Variants in NCOA3 observed in about 807,000 individuals in gnomAD.
NCOA3 encodes CBP-interacting protein.
Under a neutral mutation model 158.8 loss-of-function variants are expected in NCOA3, and 51 were observed. The ratio of observed to expected loss-of-function variants is 0.32; its 90% CI spans 0.26 to 0.41. The LOEUF is 0.41. Ranked by LOEUF, NCOA3 falls within the 10% of genes least tolerant of loss-of-function variation. NCOA3 has a pLI of 1.00. For missense variants in NCOA3, 1,510 were observed against 1,746.6 expected (o/e 0.86, Z 2.41); for synonymous variants, 537 against 592.4 (o/e 0.91, Z 1.36).
rs1166777115 is a variant in NCOA3 at position 47,505,003 on chromosome 20, G to GTTTTTTTTTTTTTTTTTTTT, written c.-99+2991_-99+3010dup. On this transcript the variant is annotated intron_variant, in intron 1 of 22. Coordinates refer to ENST00000371998, the MANE Select transcript of NCOA3 (RefSeq NM_181659.3). ...TAAAATAAATGGCTTTGGGTTTTTGGTTTTTTTTTTTTTTTTTTTTTTTTT... is the reference window on the plus strand; with the variant it reads ...TAAAATAAATGGCTTTGGGTTTTTGGTTTTTTTTTTTTTTTTTTTTTTTTTTTTTTTTTTTTTTTTTTTTT... 2.5e-4 allele frequency among the ~76,000 whole-genome samples: 7 copies of GTTTTTTTTTTTTTTTTTTTT among 28,542 alleles called. 3 individuals are homozygous for GTTTTTTTTTTTTTTTTTTTT. In the East Asian group the frequency reaches 6.8e-3, roughly 28 times the overall value. The allele number at this position is 28,542 out of a possible 152,430, so 18.7% of individuals were successfully genotyped here.
chr20:47,652,832 GTA>G, intron 21 of NCOA3, 97 bp from the exon 22 acceptor site: 1 of 1,364,626 alleles, frequency 7.3e-7, no homozygotes, highest in Non-Finnish European at 1.0e-6. Flanking sequence ...CCCAGCTTAA[GTA>G]TAGCAATGTT....
chr20:47,547,573 C>T (rs1021653534), intron 1 of NCOA3, among the ~76,000 whole-genome samples: 8 of 151,796 alleles, frequency 5.3e-5, no homozygotes, highest in Admixed American at 1.3e-4. Context: ...TCACCATGCC[C>T]GACTAATTTT....
At chr20:47,561,222 G>T (rs2085099547) in intron 1 of NCOA3, among the ~76,000 whole-genome samples, 1 of 150,014 alleles carries the variant, frequency 6.7e-6, no homozygotes, top group Non-Finnish European at 1.5e-5. Flanking sequence ...GGATCTGCTT[G>T]CTTCAGCCTC....
chr20:47,518,289 T>C (rs917349846), intron 1 of NCOA3, among the ~76,000 whole-genome samples: 3 of 151,502 alleles, frequency 2.0e-5, no homozygotes, highest in East Asian at 3.9e-4. Flanking sequence ...CAGGCTGCAA[T>C]GAGCCATGAT....
chr20:47,641,545 G>T lies in NCOA3; in HGVS notation c.3081-668G>T, dbSNP rs1019163592. Among the ~76,000 whole-genome samples the T allele has an allele frequency of 1.2e-4, 14 of 115,498 alleles. No individual in the cohort carries two copies. The South Asian group carries it at 3.5e-3, about 29-fold the overall frequency. The allele number at this position is 115,498 out of a possible 152,430, so 75.8% of individuals were successfully genotyped here. A position where few individuals can be genotyped will look rare whatever the true frequency, so the allele number is the denominator to read the frequency against. ...AGACAAAGTCTTGCTCTCTCTCCCA[G>T]CCTGGAGTGCAGTGGCGCAATCTCG... On this transcript the variant is annotated intron_variant, in intron 16 of 22. Coordinates refer to ENST00000371998, the MANE Select transcript of NCOA3 (RefSeq NM_181659.3).
chr20:47,525,821 T>A (rs2084431150), intron 1 of NCOA3, among the ~76,000 whole-genome samples: 2 of 80,522 alleles, frequency 2.5e-5, no homozygotes, highest in African/African-American at 5.1e-5. Context: ...GGCTCCTCAC[T>A]TCCCAGTAGG....
chr20:47,525,667 C>G (rs1310353692), intron 1 of NCOA3, among the ~76,000 whole-genome samples: 9 of 128,266 alleles, frequency 7.0e-5, no homozygotes, highest in Non-Finnish European at 1.3e-4. Context: ...GGGGGGCTGA[C>G]CCCCCCCACC....
chr20:47,647,054 T>G lies in NCOA3; in HGVS notation c.3253-19T>G, dbSNP rs775394076. ...TTTCATAGATGTTCTTCACTGTTCT[T>G]TTATGTGTTGTGTTTAAGGGACAGG... is the stretch of plus-strand genomic sequence containing the variant. On this transcript the variant is annotated intron_variant, in intron 17 of 22. Coordinates refer to ENST00000371998, the MANE Select transcript of NCOA3 (RefSeq NM_181659.3). 2 of 1,601,100 alleles carry G rather than the reference T, an allele frequency of 1.2e-6. No individual in the cohort carries two copies. The highest frequency in any genetic ancestry group is 1.7e-6 in the Non-Finnish European group (2 of 1,172,384).
chr20:47,619,905 C>G (rs2086207224), intron 2 of NCOA3, among the ~76,000 whole-genome samples: 1 of 151,860 alleles, frequency 6.6e-6, no homozygotes, highest in South Asian at 2.1e-4. Flanking sequence ...ATGCGATTCT[C>G]CTGCCTCAGC....
At chr20:47,634,282 A>C in intron 10 of NCOA3, 87 bp downstream of exon 10, 1 of 1,313,192 alleles carries the variant, frequency 7.6e-7, no homozygotes, top group Non-Finnish European at 1.0e-6. Context: ...GGAAGGGATA[A>C]AATGAGACAA....
intron 1 of NCOA3, among the ~76,000 whole-genome samples, chr20:47,525,607 G>T (rs1271818471): frequency 1.9e-5 from 2 of 106,926 alleles, no homozygotes; most frequent in African/African-American, 9.2e-5. Context: ...CTGGCCGGGC[G>T]GGGGGCTGAC....
intron 2 of NCOA3, among the ~76,000 whole-genome samples, chr20:47,607,129 G>A (rs1267613781): frequency 6.6e-6 from 1 of 152,172 alleles, no homozygotes; most frequent in Non-Finnish European, 1.5e-5. Context: ...GCATTTTAAT[G>A]AGACAGCATG....
rs72645258 is a variant in NCOA3 at position 47,631,734 on chromosome 20, A to G, written c.824-1762A>G. ...TTCTCTTGCTTATAGTTGTAGGGAC[A>G]GAATCTCTTCGGACAAACAACTTTC... On this transcript the variant is annotated intron_variant, in intron 8 of 22. Transcript: ENST00000371998. Among the ~76,000 whole-genome samples, 672 of 152,358 alleles carry G rather than the reference A, an allele frequency of 4.4e-3. 6 individuals carry two copies. Among genetic ancestry groups the G allele is most frequent in the African/African-American group, 0.015 (639 of 41,588 alleles).
intron 1 of NCOA3, among the ~76,000 whole-genome samples, chr20:47,511,469 C>T (rs1302873366): frequency 3.4e-5 from 4 of 117,990 alleles, no homozygotes; most frequent in Non-Finnish European, 6.8e-5. Flanking sequence ...GGCTGGAGTG[C>T]AGTGGCGTGT....
chr20:47,542,051 G>A (rs1266286051), intron 1 of NCOA3, among the ~76,000 whole-genome samples: 2 of 75,764 alleles, frequency 2.6e-5, no homozygotes, highest in African/African-American at 5.0e-5. Flanking sequence ...TTGTTGGAGG[G>A]ACAGAGACTT....
intron 2 of NCOA3, among the ~76,000 whole-genome samples, chr20:47,607,724 A>G (rs1362462740): frequency 6.6e-6 from 1 of 152,166 alleles, no homozygotes; most frequent in African/African-American, 2.4e-5. Flanking sequence ...CACCTTTAAG[A>G]AATTACCAGT....
At chr20:47,513,159 ACT>A (rs1329228638) in intron 1 of NCOA3, among the ~76,000 whole-genome samples, 7 of 151,996 alleles carry the variant, frequency 4.6e-5, no homozygotes, top group African/African-American at 1.4e-4. Context: ...ACAGAGCAAG[ACT>A]CTGTCTCAAA....
At chr20:47,561,324 A>G (rs2085101559) in intron 1 of NCOA3, among the ~76,000 whole-genome samples, 2 of 139,580 alleles carry the variant, frequency 1.4e-5, no homozygotes, top group African/African-American at 2.7e-5. Context: ...TTAAAGCTAC[A>G]CGGTCTCGAT....
At chr20:47,526,084 C>T (rs1310923824) in intron 1 of NCOA3, among the ~76,000 whole-genome samples, 2 of 146,446 alleles carry the variant, frequency 1.4e-5, no homozygotes, top group African/African-American at 2.5e-5. Context: ...ACTTCTCAGA[C>T]GGGGTGGCCG....
Sources: allele counts gnomAD v4.1 joint callset (sites outside exome capture counted in the v4.1 genomes callset), GRCh38; gene constraint gnomAD v4.1.1; transcripts MANE v1.5; gene names NCBI Gene and HGNC (gene_info 2026-07-23, HGNC 2026-07-21).